RPL34: variants seen among roughly 807,000 people sequenced by gnomAD.
RPL34 encodes ribosomal protein L34, also known as large ribosomal subunit protein eL34.
In RPL34, 2 loss-of-function variants were observed where a neutral mutation model predicts 16.3. The ratio of observed to expected loss-of-function variants is 0.12; its 90% confidence interval spans 0.05 to 0.39. The LOEUF is 0.39. Ranked by LOEUF, RPL34 falls within the 10% of genes least tolerant of loss-of-function variation. The probability of loss-of-function intolerance (pLI) is 0.99; values close to 1 mark genes in which losing one functional copy is unlikely to be tolerated. For synonymous variants in RPL34, 47 were observed against 48.5 expected (o/e 0.97, Z 0.13); for missense variants, 82 against 148.8 (o/e 0.55, Z 2.33).
At chr4:108,625,715 G>A (rs1412879774), downstream of RPL34, among the ~76,000 whole-genome samples, 1 of 152,174 alleles carries the variant, frequency 6.6e-6, no homozygotes, top group African/African-American at 2.4e-5. Context: ...GAAACAGTTG[G>A]TGGTCACTGA....
intron 1 of RPL34, 63 bp downstream of exon 1, chr4:108,620,663 G>A: frequency 3.9e-6 from 1 of 256,950 alleles, no homozygotes; most frequent in Non-Finnish European, 8.0e-6. Flanking sequence ...CATCCGAGGA[G>A]CTGAGGAAGC....
downstream of RPL34, among the ~76,000 whole-genome samples, chr4:108,626,447 CTTTTTTTTT>C (rs34343318): frequency 2.6e-5 from 3 of 117,078 alleles, no homozygotes; most frequent in African/African-American, 9.6e-5. Context: ...GGCTGACAAC[CTTTTTTTTT>C]TTTTTTTTTT....
chr4:108,625,044 C>G, intron 4 of RPL34, 84 bp from the exon 5 acceptor site: 2 of 908,740 alleles, frequency 2.2e-6, no homozygotes, highest in Non-Finnish European at 3.5e-6. Context: ...TTGCTTGGTT[C>G]TTTACCATGT....
intron 4 of RPL34, among the ~76,000 whole-genome samples, chr4:108,624,763 T>C (rs1725932823): frequency 6.6e-6 from 1 of 152,150 alleles, no homozygotes; most frequent in Admixed American, 6.5e-5. Flanking sequence ...TTATGTGTTG[T>C]TTTTTACTGG....
intron 1 of RPL34, chr4:108,621,577 G>T (rs1379150874): frequency 8.2e-6 from 2 of 243,018 alleles, no homozygotes; most frequent in African/African-American, 4.5e-5. Context: ...CCCAGTAAAT[G>T]GCATAGCTAA....
downstream of RPL34, among the ~76,000 whole-genome samples, chr4:108,627,638 G>T (rs1726059204): frequency 6.6e-6 from 1 of 152,088 alleles, no homozygotes; most frequent in Non-Finnish European, 1.5e-5. Context: ...GAGGCAGGTG[G>T]ATCACCGGAG....
chr4:108,626,340 G>A (rs1481548105), downstream of RPL34, among the ~76,000 whole-genome samples: 2 of 151,904 alleles, frequency 1.3e-5, no homozygotes, highest in African/African-American at 4.8e-5. Context: ...ATGTTCCTAG[G>A]CTGGTCTCAA....
chr4:108,627,410 C>T (rs1344867454), downstream of RPL34, among the ~76,000 whole-genome samples: 3 of 152,058 alleles, frequency 2.0e-5, no homozygotes, highest in Middle Eastern at 3.4e-3. Flanking sequence ...AAGAATACCC[C>T]TTAAGGTAAA....
chr4:108,629,598 G>C (rs1010015477), downstream of RPL34, among the ~76,000 whole-genome samples: 1 of 152,144 alleles, frequency 6.6e-6, no homozygotes, highest in Non-Finnish European at 1.5e-5. Flanking sequence ...CCAGTTCTAT[G>C]TGTGTGACAA....
At chr4:108,626,682 G>T (rs1726013641), downstream of RPL34, among the ~76,000 whole-genome samples, 1 of 151,918 alleles carries the variant, frequency 6.6e-6, no homozygotes. Context: ...CAAGTGATCC[G>T]CCCACCTTGG....
At chr4:108,628,855 C>T (rs780233733), downstream of RPL34, among the ~76,000 whole-genome samples, 1 of 152,172 alleles carries the variant, frequency 6.6e-6, no homozygotes, top group Non-Finnish European at 1.5e-5. Flanking sequence ...CAGAGTCTCA[C>T]TCTATCACCC....
At position 108,621,970 on chromosome 4, in the gene RPL34, G is replaced by A; in HGVS notation, c.11G>A (p.Arg4His). MVQ[R>H]LTYRRRLSYN... ...ATTTAGGCACTCAGAATGGTCCAGC[G>A]TTTGACATACCGACGTAGGCTTTCC... The change falls in exon 2 of 5, where the codon CGT becomes CAT. Residue 4 changes from arginine (R) to histidine (H), a missense_variant. Arg to His is a conservative substitution (Grantham distance 29). Coordinates refer to ENST00000394667, the MANE Select transcript of RPL34 (RefSeq NM_001319236.2). 4 of 1,611,296 alleles carry A rather than the reference G, an allele frequency of 2.5e-6. No individual in the cohort carries two copies. The highest frequency in any genetic ancestry group is 2.5e-6 in the Non-Finnish European group (3 of 1,178,532).
At chr4:108,628,451 T>C (rs752452069), downstream of RPL34, among the ~76,000 whole-genome samples, 22 of 152,216 alleles carry the variant, frequency 1.4e-4, no homozygotes, top group Non-Finnish European at 2.4e-4. Flanking sequence ...TTGGCTGCTC[T>C]GTAGGCCAGT....
downstream of RPL34, among the ~76,000 whole-genome samples, chr4:108,629,635 A>G (rs111313938): frequency 4.6e-3 from 703 of 152,356 alleles, 2 homozygotes; most frequent in African/African-American, 0.016. Context: ...TCCTAAAAAG[A>G]CATGTGAATG....
At chr4:108,628,910 C>T (rs1229376190), downstream of RPL34, among the ~76,000 whole-genome samples, 3 of 152,306 alleles carry the variant, frequency 2.0e-5, no homozygotes, top group Non-Finnish European at 4.4e-5. Flanking sequence ...GCAACCTCCA[C>T]CTCCTGGGTT....
intron 3 of RPL34, 146 bp downstream of exon 3, chr4:108,622,350 A>G: frequency 1.2e-6 from 1 of 815,620 alleles, no homozygotes. Flanking sequence ...TGCCACGAAC[A>G]TAGACTTTTT....
At chr4:108,621,888 T>C in intron 1 of RPL34, 63 bp from the exon 2 acceptor site, 2 of 1,079,156 alleles carry the variant, frequency 1.9e-6, no homozygotes, top group Admixed American at 1.7e-5. Flanking sequence ...CACATGATAC[T>C]GTTTTGAGAT....
chr4:108,622,253 G>T, intron 3 of RPL34, 49 bp downstream of exon 3: 1 of 1,303,344 alleles, frequency 7.7e-7, no homozygotes, highest in South Asian at 1.2e-5. Context: ...TGAACTTACT[G>T]AGCTTTCATC....
rs1578321993 is a variant in RPL34 at position 108,622,402 on chromosome 4, T to TG, written c.166-112dup. ...TGCAGTGAAATGCCTTTCAGATAAA[T>TG]GAGTACACCATTTCCCTTTGTAACC... On this transcript the variant is annotated intron_variant, in intron 3 of 4. Transcript: ENST00000394667. 3 of 851,516 alleles carry TG rather than the reference T, an allele frequency of 3.5e-6. No homozygotes were observed. The East Asian group carries it at 7.6e-5, about 22-fold the overall frequency. The allele number at this position is 851,516 out of a possible 1,614,324, so 52.7% of individuals were successfully genotyped here.
Sources: allele counts gnomAD v4.1 joint callset (sites outside exome capture counted in the v4.1 genomes callset), GRCh38; gene constraint gnomAD v4.1.1; transcripts MANE v1.5; gene names NCBI Gene and HGNC (gene_info 2026-07-23, HGNC 2026-07-21).